ALMS1: variants seen among roughly 807,000 people sequenced by gnomAD.
ALMS1 encodes the protein centrosome-associated protein ALMS1.
Under a neutral mutation model 352.2 loss-of-function variants are expected in ALMS1, and 271 were observed. That is an observed-to-expected ratio of 0.77 (90% CI 0.70 to 0.85). The LOEUF is 0.85. ALMS1 is among the 40% of genes least tolerant of loss of function. The pLI is 0.00. For synonymous variants in ALMS1, 1,865 were observed against 1,761.2 expected (o/e 1.06, Z -1.48); for missense variants, 5,445 against 4,870.7 (o/e 1.12, Z -3.51).
intron 13 of ALMS1, among the ~76,000 whole-genome samples, chr2:73,551,676 TCTGC>T (rs1018494860): frequency 1.8e-4 from 27 of 152,032 alleles, no homozygotes; most frequent in African/African-American, 6.3e-4. Context: ...CCTCAGATGA[TCTGC>T]CTGCCTCGGC....
chr2:73,582,412 G>A (rs1273113365), intron 16 of ALMS1, among the ~76,000 whole-genome samples: 2 of 152,034 alleles, frequency 1.3e-5, no homozygotes, highest in African/African-American at 4.8e-5. Context: ...CTTCTTAACT[G>A]TTCTTAAGTG....
At chr2:73,584,752 C>G (rs554926319) in intron 16 of ALMS1, among the ~76,000 whole-genome samples, 10 of 152,122 alleles carry the variant, frequency 6.6e-5, no homozygotes, top group Non-Finnish European at 1.2e-4. Flanking sequence ...TACACTGCAC[C>G]TAATGTGTAG....
chr2:73,498,167 T>G (rs1480642220), intron 10 of ALMS1, among the ~76,000 whole-genome samples: 3 of 152,170 alleles, frequency 2.0e-5, no homozygotes, highest in Admixed American at 1.3e-4. Context: ...TTCAGTGAGT[T>G]ACTTTTTGCT....
chr2:73,540,166 T>C (rs1674140047), intron 12 of ALMS1, among the ~76,000 whole-genome samples: 1 of 152,202 alleles, frequency 6.6e-6, no homozygotes, highest in South Asian at 2.1e-4. Context: ...GACTAACAAC[T>C]GATCTCTCAG....
intron 9 of ALMS1, among the ~76,000 whole-genome samples, chr2:73,463,404 G>A (rs1329571253): frequency 1.3e-5 from 2 of 149,886 alleles, no homozygotes; most frequent in Admixed American, 6.7e-5. Flanking sequence ...TGAAACCAAC[G>A]AGAACAAAGA....
chr2:73,492,506 A>G (rs936727491), intron 10 of ALMS1, among the ~76,000 whole-genome samples: 1 of 152,200 alleles, frequency 6.6e-6, no homozygotes, highest in Non-Finnish European at 1.5e-5. Context: ...TTGTTCCTCT[A>G]CACAGTACTC....
chr2:73,400,342 G>T (rs1284236813), intron 1 of ALMS1, among the ~76,000 whole-genome samples: 3 of 152,316 alleles, frequency 2.0e-5, no homozygotes, highest in Non-Finnish European at 4.4e-5. Flanking sequence ...AATTTGATTT[G>T]CTAATATTTT....
At chr2:73,474,943 T>C (rs1672553428) in intron 9 of ALMS1, among the ~76,000 whole-genome samples, 1 of 152,262 alleles carries the variant, frequency 6.6e-6, no homozygotes, top group African/African-American at 2.4e-5. Flanking sequence ...GTCCACTTTC[T>C]CTCCCAATTC....
At chr2:73,510,528 G>A (rs1673426972) in intron 10 of ALMS1, among the ~76,000 whole-genome samples, 1 of 152,176 alleles carries the variant, frequency 6.6e-6, no homozygotes, top group Non-Finnish European at 1.5e-5. Context: ...TGTTTGCCTG[G>A]GTATCACCAA....
Position 73,442,636 on chromosome 2 carries a change from C to T in ALMS1, c.1433-5324C>T, listed in dbSNP as rs72909353. 4.0e-3 allele frequency among the ~76,000 whole-genome samples: 616 copies of T among 152,246 alleles called. 6 individuals carry two copies. The highest frequency in any genetic ancestry group is 0.012 in the African/African-American group (513 of 41,538). ...ATGATTGTTTGCTAACTGAAGAGTT[C>T]ATCAGTTAGTGGTACAGTACTGGCT... On this transcript the variant is annotated intron_variant, in intron 7 of 22. Coordinates refer to ENST00000613296, the MANE Select transcript of ALMS1 (RefSeq NM_001378454.1).
chr2:73,459,933 C>T (rs946352810), intron 9 of ALMS1, among the ~76,000 whole-genome samples: 1 of 152,032 alleles, frequency 6.6e-6, no homozygotes, highest in African/African-American at 2.4e-5. Context: ...ATTACACGCA[C>T]CCCCCTCTCC....
rs113890680 is a variant in ALMS1 at position 73,603,183 on chromosome 2, C to A, written c.12299-58C>A. On this transcript the variant is annotated intron_variant, in intron 20 of 22. Transcript: ENST00000613296. ...TAGCAGCTCCCTCTCCCAGCTCTTG[C>A]ACCACACCCTCTGGGTTAAGTCACT... 1.2e-5 allele frequency: 18 copies of A among 1,555,688 alleles called. No individual in the cohort carries two copies. In the African/African-American group the frequency reaches 2.3e-4, roughly 20 times the overall value.
chr2:73,604,997 GGAT>G (rs1260136758), intron 21 of ALMS1, among the ~76,000 whole-genome samples: 2 of 152,198 alleles, frequency 1.3e-5, no homozygotes, highest in East Asian at 3.8e-4. Flanking sequence ...GCACCGTGAA[GGAT>G]GATGACTGTT....
Position 73,489,634 on chromosome 2 carries a change from G to A in ALMS1, c.7675G>A (p.Gly2559Ser). 6.2e-7 allele frequency: 1 copy of A among 1,614,038 alleles called. No individual in the cohort carries two copies. The highest frequency in any genetic ancestry group is 1.3e-5 in the African/African-American group (1 of 75,006). Residue 2559 changes from glycine to serine, a missense_variant and splice_region_variant, in exon 10 of 23, where the codon GGT (glycine) becomes AGT (serine). Transcript: ENST00000613296. ...GHGRTTDLSK[G>S]LQSPRGMGCK... is the part of the protein sequence containing the mutation. ...GAACCTGTTTGTTTGTATCTTCTAG[G>A]GTTTACAGAGTCCACGGGGAATGGG...
chr2:73,547,939 A>G (rs747454733), intron 12 of ALMS1, among the ~76,000 whole-genome samples: 3 of 152,108 alleles, frequency 2.0e-5, no homozygotes, highest in Non-Finnish European at 4.4e-5. Flanking sequence ...AGTTTCTCCT[A>G]GATTTGGTGA....
rs1573031757 is a variant in ALMS1 at position 73,573,611 on chromosome 2, A to G, written c.11547+187A>G. On this transcript the variant is annotated intron_variant, in intron 16 of 22. Coordinates refer to ENST00000613296, the MANE Select transcript of ALMS1 (RefSeq NM_001378454.1). ...GTGAGTTGTCATTATTTTCATCAAC[A>G]TTCATTTACGAATTACCTTTTGAAT... 4.4e-5 allele frequency: 31 copies of G among 704,794 alleles called. No homozygotes were observed. In the East Asian group the frequency reaches 8.4e-4, roughly 19 times the overall value. The allele number at this position is 704,794 out of a possible 1,614,324, so 43.7% of individuals were successfully genotyped here.
intron 6 of ALMS1, among the ~76,000 whole-genome samples, chr2:73,428,044 G>GT (rs879761707): frequency 2.0e-4 from 30 of 152,066 alleles, no homozygotes; most frequent in Admixed American, 7.9e-4. Flanking sequence ...ATTTATTAAA[G>GT]TTTTTTTAAC....
At chr2:73,506,686 T>C (rs998599854) in intron 10 of ALMS1, among the ~76,000 whole-genome samples, 2 of 152,218 alleles carry the variant, frequency 1.3e-5, no homozygotes, top group Non-Finnish European at 2.9e-5. Flanking sequence ...TGGGCTGAGA[T>C]GATGGGGTTC....
chr2:73,493,277 C>T (rs1233569749), intron 10 of ALMS1, among the ~76,000 whole-genome samples: 3 of 151,312 alleles, frequency 2.0e-5, no homozygotes, highest in South Asian at 2.1e-4. Flanking sequence ...GATCACATGG[C>T]CATTGAGCAT....
Sources: allele counts gnomAD v4.1 joint callset (sites outside exome capture counted in the v4.1 genomes callset), GRCh38; gene constraint gnomAD v4.1.1; transcripts MANE v1.5; gene names NCBI Gene and HGNC (gene_info 2026-07-23, HGNC 2026-07-21).